The following CLASP2 variants were observed in gnomAD, a reference collection of about 807,000 sequenced individuals.
The protein encoded by CLASP2 is cytoplasmic linker associated protein 2, also known as CLIP-associating protein 2.
In CLASP2, 47 loss-of-function variants were observed where a neutral mutation model predicts 194.4. That is an observed-to-expected ratio of 0.24 (90% CI 0.19 to 0.31). The LOEUF (loss-of-function observed/expected upper bound fraction) is 0.31. Ranked by LOEUF, CLASP2 falls within the 10% of genes least tolerant of loss-of-function variation. The probability of loss-of-function intolerance (pLI) is 1.00; values close to 1 mark genes in which losing one functional copy is unlikely to be tolerated. For missense variants in CLASP2, 1,445 were observed against 1,823.6 expected (o/e 0.79, Z 3.78); for synonymous variants, 619 against 633.5 (o/e 0.98, Z 0.34).
At chr3:33,545,515 T>C (rs1009944024) in intron 30 of CLASP2, among the ~76,000 whole-genome samples, 2 of 152,222 alleles carry the variant, frequency 1.3e-5, no homozygotes, top group Admixed American at 6.5e-5. Flanking sequence ...GGTTAAATTA[T>C]GTTACTTTGG....
chr3:33,677,743 C>T (rs1337429022), intron 6 of CLASP2, among the ~76,000 whole-genome samples: 5 of 148,682 alleles, frequency 3.4e-5, no homozygotes, highest in Admixed American at 6.7e-5. Flanking sequence ...GTCTAACACA[C>T]GTGGGGCTTG....
chr3:33,568,069 C>G (rs1199584142), intron 26 of CLASP2, among the ~76,000 whole-genome samples: 1 of 152,144 alleles, frequency 6.6e-6, no homozygotes, highest in South Asian at 2.1e-4. Flanking sequence ...AAATTACAGA[C>G]ATCAAATAAT....
In CLASP2 at chr3:33,596,727, A is replaced by G. The variant is rs2070495967; in HGVS notation, c.1932T>C (p.Thr644=). 1 of 1,567,632 alleles carries G rather than the reference A, an allele frequency of 6.4e-7. No individual in the cohort carries two copies. The stretch of plus-strand genomic sequence containing the variant: ...AGTTCTTACCATCCAGCTTGTCAGA[A>G]GTATCCTCTTTGATGAAAGCACAAG... ...NAGSYASLED[T]SDKLDGTASE... The change falls in exon 19 of 39, where the codon ACT becomes ACC. Residue 644 remains threonine (T), a synonymous_variant. Transcript: ENST00000682230.
At chr3:33,577,296 A>C in intron 23 of CLASP2, 2 of 1,561,326 alleles carry the variant, frequency 1.3e-6, no homozygotes. Flanking sequence ...AACCTCATCT[A>C]TTACCACAGA....
intron 26 of CLASP2, among the ~76,000 whole-genome samples, 180 bp from the exon 27 acceptor site, chr3:33,566,914 G>T (rs2062837113): frequency 6.6e-6 from 1 of 152,198 alleles, no homozygotes; most frequent in Non-Finnish European, 1.5e-5. Context: ...TTTAAAACAA[G>T]ACTTAAATGA....
In CLASP2 at chr3:33,584,755, G is replaced by A; in HGVS notation, c.2234C>T (p.Ser745Leu). Residue 745 changes from serine to leucine, a missense_variant, in exon 22 of 39, where the codon TCA becomes TTA. Coordinates refer to ENST00000682230, the MANE Select transcript of CLASP2 (RefSeq NM_001365631.1). ...AAAAAAAAAAAAAATCTTACCCACT[G>A]AAAGCCTAGATGGACTAGCCTCTCT... ...CSREASPSRL[S>L]VARSSRIPRP... The A allele has an allele frequency of 6.8e-7, 1 of 1,468,138 alleles. No individual in the cohort carries two copies. Among genetic ancestry groups the A allele is most frequent in the Non-Finnish European group, 9.1e-7 (1 of 1,100,166 alleles). The allele number at this position is 1,468,138 out of a possible 1,614,324, so 90.9% of individuals were successfully genotyped here.
At chr3:33,699,466 G>GA (rs2092212308) in intron 1 of CLASP2, among the ~76,000 whole-genome samples, 1 of 151,690 alleles carries the variant, frequency 6.6e-6, no homozygotes, top group Non-Finnish European at 1.5e-5. Context: ...AAGTCAATGA[G>GA]AAAAAAACAA....
chr3:33,601,215 C>T (rs1056814192), intron 18 of CLASP2, among the ~76,000 whole-genome samples: 15 of 152,128 alleles, frequency 9.9e-5, no homozygotes, highest in Non-Finnish European at 1.6e-4. Context: ...CTGTCTCGGC[C>T]TCCCAAAGTG....
intron 7 of CLASP2, among the ~76,000 whole-genome samples, chr3:33,651,518 A>C (rs915549013): frequency 1.1e-4 from 17 of 152,116 alleles, no homozygotes; most frequent in African/African-American, 4.1e-4. Flanking sequence ...ATACATTCTG[A>C]ATTCCAAAAC....
In CLASP2 at chr3:33,646,059, GAGA is replaced by G. The variant is rs1193831099; in HGVS notation, c.716-1159_716-1157del. The stretch of plus-strand genomic sequence containing the variant: ...CATGACAAACAACATGGGCGAGGCA[GAGA>G]AGCAGCTTTACCACACGCTTCAGAT... On this transcript the variant is annotated intron_variant, in intron 7 of 38. Transcript: ENST00000682230. Among the ~76,000 whole-genome samples the G allele has an allele frequency of 2.0e-5, 3 of 152,050 alleles. No homozygotes were observed. The East Asian group carries it at 5.8e-4, about 29-fold the overall frequency.
chr3:33,561,910 T>TA (rs2061850338), intron 27 of CLASP2, among the ~76,000 whole-genome samples: 1 of 152,096 alleles, frequency 6.6e-6, no homozygotes, highest in East Asian at 1.9e-4. Context: ...AACTATGGGT[T>TA]AAAAAAACTT....
chr3:33,619,135 G>A (rs1035267534), intron 12 of CLASP2, among the ~76,000 whole-genome samples: 5 of 151,886 alleles, frequency 3.3e-5, no homozygotes, highest in African/African-American at 9.7e-5. Flanking sequence ...ATTGTGTATC[G>A]GAACATATCC....
intron 29 of CLASP2, chr3:33,559,079 G>C (rs2061396104): frequency 3.2e-6 from 2 of 624,912 alleles, no homozygotes; most frequent in African/African-American, 1.8e-5. Flanking sequence ...ACACTGCAGA[G>C]AGTTAAGAAA....
chr3:33,676,474 C>T (rs62252765), intron 6 of CLASP2, among the ~76,000 whole-genome samples: 46,868 of 144,664 alleles, frequency 0.32, 9,723 homozygotes, highest in South Asian at 0.47. Flanking sequence ...ATTTAATAAA[C>T]GGTGCTGGGA....
chr3:33,696,769 G>A (rs2091958614), intron 2 of CLASP2, 86 bp downstream of exon 2: 33 of 910,796 alleles, frequency 3.6e-5, no homozygotes, highest in South Asian at 1.5e-5. Context: ...AATTTACAGA[G>A]AACTATTTCT....
At chr3:33,499,245 G>A (rs902599760) in intron 38 of CLASP2, among the ~76,000 whole-genome samples, 1 of 152,026 alleles carries the variant, frequency 6.6e-6, no homozygotes, top group Middle Eastern at 3.4e-3. Context: ...AGAAGGACAT[G>A]TTTGCTCACC....
At chr3:33,509,170 C>G (rs900629607) in intron 37 of CLASP2, among the ~76,000 whole-genome samples, 1 of 152,168 alleles carries the variant, frequency 6.6e-6, no homozygotes, top group Non-Finnish European at 1.5e-5. Flanking sequence ...TTAAGATTTA[C>G]TTCATTTTAT....
chr3:33,507,258 C>T (rs1443920640), intron 37 of CLASP2, among the ~76,000 whole-genome samples: 3 of 152,030 alleles, frequency 2.0e-5, no homozygotes, highest in Non-Finnish European at 4.4e-5. Flanking sequence ...ATTCTTGAGA[C>T]TCTTTAACAG....
rs113475693 is a variant in CLASP2, at chr3:33,538,996, A to G, written c.3405-54T>C. 4,524 of 1,236,692 alleles carry G rather than the reference A, an allele frequency of 3.7e-3. 126 individuals carry two copies. The African/African-American group carries it at 0.062, about 17-fold the overall frequency. 76.6% of individuals were successfully genotyped at this position (1,236,692 alleles called of 1,614,324 possible). ...TTAGGTGTAGTTTTAAAATACAAAC[A>G]CATCTGAGGAGATTATATAAGGATA... On this transcript the variant is annotated intron_variant, in intron 32 of 38. Transcript: ENST00000682230.
Sources: gnomAD v4.1 joint callset for allele counts (sites outside exome capture counted in the v4.1 genomes callset) on GRCh38, gnomAD v4.1.1 for gene constraint, MANE v1.5 for transcripts, NCBI Gene and HGNC (gene_info 2026-07-23, HGNC 2026-07-21) for gene names.